The following CEP83 variants were observed in gnomAD, a reference collection of about 807,000 sequenced individuals.
CEP83 encodes centrosomal protein 83.
Under a neutral mutation model 101.9 loss-of-function variants are expected in CEP83, and 70 were observed. The observed-to-expected ratio is 0.69, with a 90% confidence interval of 0.57 to 0.84. CEP83 has a LOEUF of 0.84. CEP83 is among the 40% of genes least tolerant of loss of function. The pLI, the probability that CEP83 is intolerant of heterozygous loss-of-function variation, is 0.00. For missense variants in CEP83, 715 were observed against 787.2 expected (o/e 0.91, Z 1.10); for synonymous variants, 264 against 267.9 (o/e 0.99, Z 0.14).
At chr12:94,326,235 C>T (rs1380882152) in intron 14 of CEP83, among the ~76,000 whole-genome samples, 1 of 152,100 alleles carries the variant, frequency 6.6e-6, no homozygotes, top group African/African-American at 2.4e-5. Context: ...ATCCCCGACC[C>T]CCAACACCTT....
chr12:94,405,687 C>A (rs2063495181), intron 4 of CEP83, among the ~76,000 whole-genome samples: 1 of 152,186 alleles, frequency 6.6e-6, no homozygotes, highest in Admixed American at 6.5e-5. Flanking sequence ...AAGCAAAAGG[C>A]AGATCCCTGA....
At chr12:94,309,778 G>A in intron 16 of CEP83, 140 bp downstream of exon 16, 1 of 496,504 alleles carries the variant, frequency 2.0e-6, no homozygotes, top group Admixed American at 3.6e-5. Flanking sequence ...GTTAAAAGTA[G>A]TTTTAAATGT....
At chr12:94,453,262 C>T (rs1186095395) in intron 1 of CEP83, among the ~76,000 whole-genome samples, 3 of 152,156 alleles carry the variant, frequency 2.0e-5, no homozygotes, top group Admixed American at 6.5e-5. Flanking sequence ...TTTCAACTAC[C>T]ACTAACGTTG....
At chr12:94,284,078 A>G in the CEP83 span, among the ~76,000 whole-genome samples, 2 of 142,228 alleles carry the variant, frequency 1.4e-5, no homozygotes, top group African/African-American at 2.7e-5. Context: ...GCAAGACTCC[A>G]TGTCAGGGGA....
chr12:94,444,463 C>G (rs1208139310), intron 1 of CEP83, among the ~76,000 whole-genome samples: 1 of 152,278 alleles, frequency 6.6e-6, no homozygotes, highest in East Asian at 1.9e-4. Flanking sequence ...GTCTACTAAG[C>G]AAAAGCTTTC....
At chr12:94,351,036 G>GT (rs2060174452) in intron 11 of CEP83, among the ~76,000 whole-genome samples, 3 of 151,942 alleles carry the variant, frequency 2.0e-5, no homozygotes, top group South Asian at 4.1e-4. Context: ...TGCACTTCAG[G>GT]TAAGAGTTTC....
intron 1 of CEP83, among the ~76,000 whole-genome samples, chr12:94,443,782 C>A (rs1406770981): frequency 1.3e-5 from 2 of 151,906 alleles, no homozygotes; most frequent in African/African-American, 4.9e-5. Context: ...CCACTGTGCC[C>A]GGCCTAATTT....
chr12:94,424,926 C>G (rs1210443757), intron 2 of CEP83: 1 of 1,581,654 alleles, frequency 6.3e-7, no homozygotes, highest in African/African-American at 1.4e-5. Context: ...CTATTGTAGC[C>G]AAAAGTAGAA....
chr12:94,286,643 T>C, the CEP83 span, among the ~76,000 whole-genome samples: 1 of 131,608 alleles, frequency 7.6e-6, no homozygotes, highest in South Asian at 2.4e-4. Flanking sequence ...AAAAAAAAAA[T>C]TCATTTAAAA....
At chr12:94,458,091 G>A (rs1353065615) in intron 1 of CEP83, among the ~76,000 whole-genome samples, 2 of 151,876 alleles carry the variant, frequency 1.3e-5, no homozygotes, top group African/African-American at 4.8e-5. Context: ...CAGCTACTCG[G>A]GAGGCTGAGA....
At chr12:94,436,969 GA>G (rs1452915230) in intron 1 of CEP83, among the ~76,000 whole-genome samples, 1 of 152,056 alleles carries the variant, frequency 6.6e-6, no homozygotes, top group Non-Finnish European at 1.5e-5. Context: ...AGGAAGAAGA[GA>G]AATCCAAAAG....
the CEP83 span, chr12:94,298,849 A>G: frequency 6.6e-7 from 1 of 1,507,368 alleles, no homozygotes; most frequent in Non-Finnish European, 9.1e-7. Flanking sequence ...CAGAATATTA[A>G]CTAAAAGAAA....
At chr12:94,447,205 G>A (rs750401595) in intron 1 of CEP83, among the ~76,000 whole-genome samples, 21 of 152,176 alleles carry the variant, frequency 1.4e-4, no homozygotes, top group African/African-American at 2.9e-4. Context: ...CAGGATAAAA[G>A]GAAGTCACAC....
At chr12:94,330,665 A>T (rs1022280593) in intron 14 of CEP83, among the ~76,000 whole-genome samples, 1 of 152,232 alleles carries the variant, frequency 6.6e-6, no homozygotes, top group African/African-American at 2.4e-5. Flanking sequence ...AATTGGAAAC[A>T]AAAAAGCCTT....
the CEP83 span, among the ~76,000 whole-genome samples, chr12:94,286,094 G>A: frequency 6.6e-6 from 1 of 152,198 alleles, no homozygotes; most frequent in Non-Finnish European, 1.5e-5. Flanking sequence ...GACATCGGCC[G>A]TGCTAGACAC....
chr12:94,284,711 G>A, the CEP83 span, among the ~76,000 whole-genome samples: 1 of 152,084 alleles, frequency 6.6e-6, no homozygotes, highest in Non-Finnish European at 1.5e-5. Flanking sequence ...GTTGGCTGTA[G>A]GGTCTGTGGC....
intron 6 of CEP83, among the ~76,000 whole-genome samples, chr12:94,388,921 G>A (rs1394612888): frequency 6.6e-6 from 1 of 152,142 alleles, no homozygotes; most frequent in African/African-American, 2.4e-5. Context: ...GAGGTCAGGA[G>A]TTCAAGATCA....
intron 6 of CEP83, among the ~76,000 whole-genome samples, chr12:94,386,849 T>A (rs1358665046): frequency 1.3e-5 from 2 of 152,180 alleles, no homozygotes; most frequent in Non-Finnish European, 2.9e-5. Flanking sequence ...ATTATCTAAC[T>A]CCTAGCATTG....
intron 14 of CEP83, among the ~76,000 whole-genome samples, chr12:94,326,234 C>A (rs2136426852): frequency 6.6e-6 from 1 of 152,228 alleles, no homozygotes; most frequent in South Asian, 2.1e-4. Context: ...AATCCCCGAC[C>A]CCCAACACCT....
Sources: allele counts gnomAD v4.1 joint callset (sites outside exome capture counted in the v4.1 genomes callset), GRCh38; gene constraint gnomAD v4.1.1; transcripts MANE v1.5; gene names NCBI Gene and HGNC (gene_info 2026-07-23, HGNC 2026-07-21).